Variants in ARHGAP25 observed in about 807,000 individuals in gnomAD.
ARHGAP25 encodes the protein rho GTPase-activating protein 25.
A neutral mutation model predicts 71.0 loss-of-function variants in ARHGAP25; 34 were observed. The ratio of observed to expected loss-of-function variants is 0.48; its 90% CI spans 0.36 to 0.64. The LOEUF (loss-of-function observed/expected upper bound fraction) is 0.64. Among genes scored for constraint, ARHGAP25 ranks in the 30% least tolerant of loss-of-function variants. The pLI, the probability that ARHGAP25 is intolerant of heterozygous loss-of-function variation, is 0.00. For missense variants in ARHGAP25, 706 were observed against 805.1 expected, an observed-to-expected ratio of 0.88 and a Z score of 1.49; for synonymous variants, 282 against 296.5, an observed-to-expected ratio of 0.95 and a Z score of 0.50.
At chr2:68,810,949 C>T (rs1377114355) in intron 5 of ARHGAP25, among the ~76,000 whole-genome samples, 1 of 152,132 alleles carries the variant, frequency 6.6e-6, no homozygotes, top group Admixed American at 6.5e-5. Flanking sequence ...GTCCTGTTGG[C>T]TAGGCTGGTC....
chr2:68,748,629 A>C (rs1443035947), intron 1 of ARHGAP25, among the ~76,000 whole-genome samples: 4 of 150,468 alleles, frequency 2.7e-5, no homozygotes, highest in Non-Finnish European at 6.0e-5. Context: ...AATGAGTCCA[A>C]AGCATTTTTT....
rs111447675 is a variant in ARHGAP25 at position 68,775,043 on chromosome 2, G to A, written c.62-178G>A. ...GGCCCTGACCGGGAGCTGGCCCCTC[G>A]GCTGCTTCTCTGGCTCGGGGGGGAC... On this transcript the variant is annotated intron_variant, in intron 1 of 10. Coordinates refer to ENST00000409202, the MANE Select transcript of ARHGAP25 (RefSeq NM_001007231.3). 1.3e-5 allele frequency: 19 copies of A among 1,516,082 alleles called. No individual in the cohort carries two copies. In the African/African-American group the frequency reaches 1.7e-4, roughly 13 times the overall value. The allele number at this position is 1,516,082 out of a possible 1,614,324, so 93.9% of individuals were successfully genotyped here. A position where few individuals can be genotyped will look rare whatever the true frequency, so the allele number is the denominator to read the frequency against.
At chr2:68,761,782 G>A (rs1012928884) in intron 1 of ARHGAP25, among the ~76,000 whole-genome samples, 2 of 152,132 alleles carry the variant, frequency 1.3e-5, no homozygotes, top group African/African-American at 4.8e-5. Context: ...TGCACTGTTG[G>A]TGGAAATGTT....
intron 1 of ARHGAP25, among the ~76,000 whole-genome samples, chr2:68,762,293 G>A (rs1676872486): frequency 6.6e-6 from 1 of 152,158 alleles, no homozygotes; most frequent in South Asian, 2.1e-4. Context: ...GATGAAAAGA[G>A]TTCTGAAAAT....
In ARHGAP25 at chr2:68,775,288, G is replaced by T; in HGVS notation, c.129G>T (p.Pro43=). 2 of 1,614,216 alleles carry T rather than the reference G, an allele frequency of 1.2e-6. No homozygotes were observed. The highest frequency in any genetic ancestry group is 1.7e-6 in the Non-Finnish European group (2 of 1,180,038). ...AAFHPSSTPN[P]LERPIKMGWL... ...TCCATCCATCGTCCACCCCCAACCC[G>T]CTGGAGAGGCCCATCAAGATGGGCT... Residue 43 remains proline, a synonymous_variant, in exon 2 of 11, where the codon CCG becomes CCT. Coordinates refer to ENST00000409202, the MANE Select transcript of ARHGAP25 (RefSeq NM_001007231.3).
chr2:68,788,718 T>C (rs1206081839), intron 4 of ARHGAP25, among the ~76,000 whole-genome samples: 2 of 152,220 alleles, frequency 1.3e-5, no homozygotes, highest in Non-Finnish European at 2.9e-5. Flanking sequence ...AAGTTAACAT[T>C]TTCCTTCAAC....
At chr2:68,733,285 C>T (rs1012007347), upstream of ARHGAP25, among the ~76,000 whole-genome samples, 25 of 152,160 alleles carry the variant, frequency 1.6e-4, no homozygotes, top group African/African-American at 6.0e-4. Context: ...AAGCCCTGAC[C>T]TGTGAGTTTA....
At chr2:68,780,510 T>C (rs1678247010) in intron 2 of ARHGAP25, among the ~76,000 whole-genome samples, 1 of 152,154 alleles carries the variant, frequency 6.6e-6, no homozygotes. Context: ...TAGGTGGAGG[T>C]TATTTTTAAA....
intron 1 of ARHGAP25, among the ~76,000 whole-genome samples, chr2:68,741,304 A>G (rs544265782): frequency 6.6e-6 from 1 of 152,350 alleles, no homozygotes; most frequent in East Asian, 1.9e-4. Context: ...ACTTCTATGT[A>G]TAACTCTATG....
chr2:68,818,061 T>G, intron 8 of ARHGAP25, 67 bp downstream of exon 8: 3 of 1,585,636 alleles, frequency 1.9e-6, no homozygotes, highest in Non-Finnish European at 2.6e-6. Context: ...CCCCTGATAT[T>G]TGTGCACTGC....
rs571085428 is a variant in ARHGAP25 at position 68,767,621 on chromosome 2, C to T, written c.62-7600C>T. 1.3e-5 allele frequency among the ~76,000 whole-genome samples: 2 copies of T among 152,136 alleles called. No homozygotes were observed. Among genetic ancestry groups the T allele is most frequent in the Non-Finnish European group, 1.5e-5 (1 of 68,038 alleles). ...CTCACTCTCTCTCCCTCCCATGCCT[C>T]GGCCACGTGGGACCTTGCTCAGAAT... On this transcript the variant is annotated intron_variant, in intron 1 of 10. Transcript: ENST00000409202. This position sits in a 1 kb window ranked among gnomAD's most constrained non-coding sequence, Gnocchi z 4.6.
intron 10 of ARHGAP25, among the ~76,000 whole-genome samples, chr2:68,824,084 G>C (rs560622105): frequency 6.6e-6 from 1 of 152,300 alleles, no homozygotes; most frequent in South Asian, 2.1e-4. Context: ...TCCACACAGA[G>C]AGCTGCCATC....
Position 68,807,337 on chromosome 2 carries a change from G to A in ARHGAP25, c.531G>A (p.Val177=). 1.2e-6 allele frequency: 2 copies of A among 1,614,236 alleles called. No homozygotes were observed. The highest frequency in any genetic ancestry group is 1.1e-5 in the South Asian group (1 of 91,090). Residue 177 remains valine (V), a synonymous_variant, in exon 5 of 11, where the codon GTG becomes GTA. Coordinates refer to ENST00000409202, the MANE Select transcript of ARHGAP25 (RefSeq NM_001007231.3). ...AACAGAAATTCGGCCCCCATCTGGT[G>A]CCCATCCTGGTGGAGAAATGTGCAG... ...AYEQKFGPHL[V]PILVEKCAEF...
intron 1 of ARHGAP25, among the ~76,000 whole-genome samples, chr2:68,758,084 C>G (rs1175888386): frequency 6.6e-6 from 1 of 151,490 alleles, no homozygotes; most frequent in Non-Finnish European, 1.5e-5. Context: ...CAATTGTAAC[C>G]AAAAGAAAGT....
Position 68,802,424 on chromosome 2 carries a change from A to AAT in ARHGAP25, c.467-4848_467-4847insTA, listed in dbSNP as rs1558648071. Among the ~76,000 whole-genome samples the AAT allele has an allele frequency of 8.6e-5, 13 of 151,744 alleles. No individual in the cohort carries two copies. The East Asian group carries it at 2.1e-3, about 25-fold the overall frequency. ...CTCCATCTCAAAAAAAAAAAAAAAAAAAAAAGAATGTGCCAACCTATTTGG... is the reference window on the plus strand; with the variant it reads ...CTCCATCTCAAAAAAAAAAAAAAAAAATAAAAAGAATGTGCCAACCTATTTGG... On this transcript the variant is annotated intron_variant, in intron 4 of 10. Coordinates refer to ENST00000409202, the MANE Select transcript of ARHGAP25 (RefSeq NM_001007231.3).
chr2:68,719,175 C>G (rs1031212655), intron 2 of ARHGAP25, among the ~76,000 whole-genome samples: 1 of 152,114 alleles, frequency 6.6e-6, no homozygotes, highest in Non-Finnish European at 1.5e-5. Context: ...CAATAAGTGT[C>G]TCCCTGAGTT....
At chr2:68,712,819 A>G (rs1391827228) in intron 2 of ARHGAP25, among the ~76,000 whole-genome samples, 5 of 152,172 alleles carry the variant, frequency 3.3e-5, no homozygotes, top group Admixed American at 3.3e-4. Flanking sequence ...AGATGGTTGT[A>G]GATGTGTAGC....
intron 1 of ARHGAP25, among the ~76,000 whole-genome samples, chr2:68,746,674 G>A (rs1675830818): frequency 6.6e-6 from 1 of 150,418 alleles, no homozygotes; most frequent in South Asian, 2.1e-4. Flanking sequence ...GGGAGAAGGG[G>A]CATGGGCATG....
At chr2:68,760,647 A>C (rs2104340969) in intron 1 of ARHGAP25, among the ~76,000 whole-genome samples, 1 of 152,164 alleles carries the variant, frequency 6.6e-6, no homozygotes, top group Non-Finnish European at 1.5e-5. Flanking sequence ...AAATACTTGC[A>C]CTACAAAACT....
Sources: gnomAD v4.1 joint callset for allele counts (sites outside exome capture counted in the v4.1 genomes callset) on GRCh38, gnomAD v4.1.1 for gene constraint, Gnocchi (gnomAD v3.1) non-coding constraint, MANE v1.5 for transcripts, NCBI Gene and HGNC (gene_info 2026-07-23, HGNC 2026-07-21) for gene names.